NCOR2: variants seen among roughly 807,000 people sequenced by gnomAD.
NCOR2 encodes nuclear receptor corepressor 2, also known as CTG repeat protein 26.
NCOR2 carries 81 observed loss-of-function variants against 262.9 expected under a neutral mutation model. The observed-to-expected ratio is 0.31, with a 90% CI of 0.26 to 0.37. The LOEUF (loss-of-function observed/expected upper bound fraction) is 0.37, where lower values mean the gene tolerates loss of function less well. Ranked by LOEUF, NCOR2 falls within the 10% of genes least tolerant of loss-of-function variation. The pLI, the probability that NCOR2 is intolerant of heterozygous loss-of-function variation, is 1.00. For synonymous variants in NCOR2, 1,659 were observed against 1,559.3 expected, an observed-to-expected ratio of 1.06 and a Z score of -1.51; for missense variants, 3,385 against 3,621.4, an observed-to-expected ratio of 0.93 and a Z score of 1.68.
chr12:124,484,673 T>A (rs138479742), intron 2 of NCOR2, among the ~76,000 whole-genome samples: 2,367 of 152,294 alleles, frequency 0.016, 35 homozygotes, highest in Non-Finnish European at 0.025. Context: ...AGGCCCTCCA[T>A]GTGAGCTCCT....
intron 1 of NCOR2, among the ~76,000 whole-genome samples, chr12:124,546,044 T>C (rs1594049954): frequency 6.6e-6 from 1 of 152,202 alleles, no homozygotes; most frequent in African/African-American, 2.4e-5. Context: ...TTCTGCTCCC[T>C]GCAGGGCTCA....
chr12:124,362,443 A>G, intron 21 of NCOR2, 146 bp from the exon 24 acceptor site: 1 of 715,378 alleles, frequency 1.4e-6, no homozygotes, highest in Non-Finnish European at 2.1e-6. Context: ...CAAGAAAGGG[A>G]GGTCTTAGCA....
chr12:124,345,023 AG>A, intron 31 of NCOR2, 72 bp from the exon 34 acceptor site: 1 of 1,350,130 alleles, frequency 7.4e-7, no homozygotes, highest in East Asian at 2.5e-5. Flanking sequence ...CCCCCTTCTG[AG>A]CCTCAAAAAG....
chr12:124,507,850 C>T (rs139900237), intron 1 of NCOR2, among the ~76,000 whole-genome samples: 218 of 152,386 alleles, frequency 1.4e-3, no homozygotes, highest in African/African-American at 5.1e-3. Context: ...TTCCCACCGA[C>T]TTCCCTGCCT....
At chr12:124,565,636 C>G (rs945510987) in intron 1 of NCOR2, among the ~76,000 whole-genome samples, 3 of 151,966 alleles carry the variant, frequency 2.0e-5, no homozygotes, top group Non-Finnish European at 4.4e-5. Flanking sequence ...TCTTAGAACC[C>G]AGGAATAATA....
chr12:124,407,745 G>A (rs1565915667), intron 13 of NCOR2, among the ~76,000 whole-genome samples: 2 of 152,240 alleles, frequency 1.3e-5, no homozygotes. Context: ...AACACCGTCT[G>A]TGGCTCAATC....
rs764315767 is a variant in NCOR2, at chr12:124,495,182, G to A, written c.70C>T (p.Leu24Phe). ...CGGGCGATCTGCACTGGGTAGGAAA[G>A]GCTGTGGGGCGGGTAGCGGGGCTCA... The change falls in exon 1 of 47, where the codon CTT becomes TTT. Residue 24 changes from leucine (L) to phenylalanine (F), a missense_variant. Physicochemically the swap from Leu to Phe is conservative, Grantham distance 22. Coordinates refer to ENST00000405201, the Ensembl canonical transcript of NCOR2. This position sits in a 1 kb window ranked among gnomAD's most constrained non-coding sequence, Gnocchi z 4.4. 2.5e-6 allele frequency: 4 copies of A among 1,614,046 alleles called. No individual in the cohort carries two copies. The South Asian group carries it at 3.3e-5, about 13-fold the overall frequency.
chr12:124,493,081 T>C (rs1271774935), intron 1 of NCOR2, among the ~76,000 whole-genome samples: 2 of 152,220 alleles, frequency 1.3e-5, no homozygotes, highest in Non-Finnish European at 2.9e-5. Flanking sequence ...CGGTGAGCGC[T>C]TGGCCCTGTC....
intron 13 of NCOR2, among the ~76,000 whole-genome samples, chr12:124,417,078 G>A (rs1452869158): frequency 9.2e-5 from 12 of 129,966 alleles, no homozygotes; most frequent in African/African-American, 4.0e-4. Flanking sequence ...CGGAGAGCAG[G>A]CCGGACAGTC....
chr12:124,498,314 C>T (rs533328753), upstream of NCOR2, among the ~76,000 whole-genome samples: 14 of 152,294 alleles, frequency 9.2e-5, 2 homozygotes, highest in South Asian at 2.9e-3. Context: ...GAGGGTGACA[C>T]CGTCCTAAAG....
At chr12:124,429,183 C>T (rs1230430562) in intron 10 of NCOR2, among the ~76,000 whole-genome samples, 1 of 152,258 alleles carries the variant, frequency 6.6e-6, no homozygotes, top group Non-Finnish European at 1.5e-5. Context: ...CCATGCTCCC[C>T]CCACCCTGCC....
At chr12:124,390,530 A>C (rs1593337118) in intron 16 of NCOR2, among the ~76,000 whole-genome samples, 1 of 136,468 alleles carries the variant, frequency 7.3e-6, no homozygotes, top group African/African-American at 2.9e-5. Context: ...CATAGCTTTC[A>C]CCGCCTCTGA....
At chr12:124,423,566 C>T (rs527447045) in intron 11 of NCOR2, among the ~76,000 whole-genome samples, 5 of 152,354 alleles carry the variant, frequency 3.3e-5, no homozygotes, top group South Asian at 2.1e-4. Context: ...GATCCCACCT[C>T]GGGCGGCTGG....
chr12:124,426,999 G>T (rs118024502), intron 10 of NCOR2, among the ~76,000 whole-genome samples, 199 bp from the exon 13 acceptor site: 6 of 152,314 alleles, frequency 3.9e-5, no homozygotes, highest in African/African-American at 1.4e-4. Flanking sequence ...AGGCCTCCCC[G>T]ACAGGTTTAT....
At chr12:124,445,148 G>C (rs911608836) in intron 7 of NCOR2, among the ~76,000 whole-genome samples, 14 of 152,206 alleles carry the variant, frequency 9.2e-5, no homozygotes, top group African/African-American at 3.1e-4. Context: ...CGGTGAACCA[G>C]GGCAACCCCC....
chr12:124,327,779 G>A, intron 44 of NCOR2, 146 bp from the exon 47 acceptor site: 2 of 622,992 alleles, frequency 3.2e-6, no homozygotes, highest in South Asian at 3.9e-5. Context: ...GCACATTTCG[G>A]CAAAGCAACA....
chr12:124,325,374 A>ACTG lies in NCOR2; in HGVS notation c.*27_*28insCAG. 6 of 316,292 alleles carry ACTG rather than the reference A, an allele frequency of 1.9e-5. No individual in the cohort carries two copies. The African/African-American group carries it at 1.9e-4, about 10-fold the overall frequency. 19.6% of individuals were successfully genotyped at this position (316,292 alleles called of 1,614,324 possible). On this transcript the variant is annotated 3_prime_UTR_variant, in exon 47 of 47. Coordinates refer to ENST00000405201, the Ensembl canonical transcript of NCOR2. ...TTCCTGTGGCTCGCTGGGACCTGAC[A>ACTG]CCGCCCCCCCCCCCGCCCTGTTCTG... is the stretch of plus-strand genomic sequence containing the variant.
At chr12:124,391,359 C>T (rs2041291124) in intron 16 of NCOR2, among the ~76,000 whole-genome samples, 1 of 152,044 alleles carries the variant, frequency 6.6e-6, no homozygotes, top group South Asian at 2.1e-4. Flanking sequence ...AGGGGTGCAT[C>T]GACCACCGCC....
rs976119145 is a variant in NCOR2 at position 124,344,712 on chromosome 12, C to T, written c.4599G>A (p.Leu1533=). The change falls in exon 32 of 47, where the codon CTG becomes CTA. Residue 1533 remains leucine, a synonymous_variant. Coordinates refer to ENST00000405201, the Ensembl canonical transcript of NCOR2. ...TCAGGGGGCTCTGCCGCGGCTTACC[C>T]AGCTCAGGCACAATGACCGGGGCGC... The T allele has an allele frequency of 1.2e-5, 18 of 1,538,546 alleles. No individual in the cohort carries two copies. The Admixed American group carries it at 1.6e-4, about 14-fold the overall frequency.
Sources: allele counts gnomAD v4.1 joint callset (sites outside exome capture counted in the v4.1 genomes callset), GRCh38; gene constraint gnomAD v4.1.1; non-coding constraint Gnocchi (gnomAD v3.1); transcripts MANE v1.5; gene names NCBI Gene and HGNC (gene_info 2026-07-23, HGNC 2026-07-21).